The following ZNF33B variants were observed in gnomAD, a reference collection of about 807,000 sequenced individuals.
ZNF33B encodes zinc finger protein 11b (KOX 2).
ZNF33B carries 29 observed loss-of-function variants against 45.8 expected under a neutral mutation model. That is an observed-to-expected ratio of 0.63 (90% confidence interval 0.47 to 0.86). The LOEUF (loss-of-function observed/expected upper bound fraction) is 0.86, where lower values mean the gene tolerates loss of function less well. ZNF33B is among the 40% of genes least tolerant of loss of function. The pLI, the probability that ZNF33B is intolerant of heterozygous loss-of-function variation, is 0.00. For synonymous variants in ZNF33B, 305 were observed against 307.8 expected (o/e 0.99, Z 0.10); for missense variants, 831 against 909.9 (o/e 0.91, Z 1.12).
intron 1 of ZNF33B, among the ~76,000 whole-genome samples, chr10:42,576,612 C>T (rs758546374): frequency 1.8e-4 from 28 of 152,268 alleles, no homozygotes; most frequent in South Asian, 1.0e-3. Context: ...TGTTACTGTG[C>T]GCACCCATCA....
chr10:42,630,806 C>A (rs1352707343), intron 4 of ZNF33B, among the ~76,000 whole-genome samples: 1 of 152,130 alleles, frequency 6.6e-6, no homozygotes, highest in African/African-American at 2.4e-5. Flanking sequence ...GAAAATCTAC[C>A]ACTAAACAGA....
chr10:42,624,494 G>A (rs975554806), intron 4 of ZNF33B, among the ~76,000 whole-genome samples: 3 of 152,160 alleles, frequency 2.0e-5, no homozygotes, highest in African/African-American at 7.2e-5. Context: ...TGAAGCCTCA[G>A]ATAGTATTGA....
At chr10:42,610,948 A>C (rs2132093654) in intron 4 of ZNF33B, among the ~76,000 whole-genome samples, 1 of 152,368 alleles carries the variant, frequency 6.6e-6, no homozygotes, top group Admixed American at 6.5e-5. Context: ...AGTGGCATAG[A>C]GGTAAACATG....
chr10:42,576,209 G>A (rs1422209108), intron 1 of ZNF33B, among the ~76,000 whole-genome samples: 1 of 151,894 alleles, frequency 6.6e-6, no homozygotes, highest in African/African-American at 2.4e-5. Flanking sequence ...GGGTGGTCTC[G>A]AACTCCTGAG....
At chr10:42,577,453 T>A (rs565104714) in intron 1 of ZNF33B, among the ~76,000 whole-genome samples, 2 of 152,344 alleles carry the variant, frequency 1.3e-5, no homozygotes, top group African/African-American at 2.4e-5. Context: ...AAGTTCTCTA[T>A]GTCCAAACAG....
rs377698472 is a variant in ZNF33B, at chr10:42,601,408, TC to T, written c.251-6710del. Among the ~76,000 whole-genome samples, 443 of 151,946 alleles carry T rather than the reference TC, an allele frequency of 2.9e-3. 2 individuals carry two copies. Among genetic ancestry groups the T allele is most frequent in the African/African-American group, 0.01 (425 of 41,446 alleles). Reference sequence around the variant, plus strand: ...CCACTTTCCTTTTAGAGACTCCAATTCCATGTGTGTTAAGAGACTACCTGAA... The same window carrying T: ...CCACTTTCCTTTTAGAGACTCCAATTCATGTGTGTTAAGAGACTACCTGAA... On this transcript the variant is annotated intron_variant, in intron 4 of 4. Coordinates refer to ENST00000359467, the MANE Select transcript of ZNF33B (RefSeq NM_006955.3).
At chr10:42,586,342 G>A (rs1359240314), downstream of ZNF33B, among the ~76,000 whole-genome samples, 1 of 151,964 alleles carries the variant, frequency 6.6e-6, no homozygotes, top group African/African-American at 2.4e-5. Flanking sequence ...GTAGAGACGG[G>A]GTTTCACCGT....
Position 42,591,291 on chromosome 10 carries a change from G to A in ZNF33B, c.*1322C>T. ...AGAGCAGCTGCTTAAAGAAAATTTG[G>A]ACTATCACTTACGCTGAAGGCTGGA... On this transcript the variant is annotated 3_prime_UTR_variant, in exon 5 of 5. Transcript: ENST00000359467. 2 of 895,088 alleles carry A rather than the reference G, an allele frequency of 2.2e-6. No homozygotes were observed. Among genetic ancestry groups the A allele is most frequent in the Non-Finnish European group, 2.7e-6 (2 of 748,150 alleles). The allele number at this position is 895,088 out of a possible 1,614,324, so 55.4% of individuals were successfully genotyped here.
At chr10:42,616,984 G>A (rs904871763) in intron 4 of ZNF33B, among the ~76,000 whole-genome samples, 13 of 151,016 alleles carry the variant, frequency 8.6e-5, no homozygotes, top group African/African-American at 2.4e-4. Context: ...ATGAACCAAC[G>A]CACCCAGCCT....
chr10:42,613,060 A>AAGG (rs1838167339), intron 4 of ZNF33B, among the ~76,000 whole-genome samples: 1 of 152,216 alleles, frequency 6.6e-6, no homozygotes, highest in Non-Finnish European at 1.5e-5. Flanking sequence ...AGTATCAATG[A>AAGG]AGGACCCCCT....
At chr10:42,576,387 A>G (rs539163960) in intron 1 of ZNF33B, among the ~76,000 whole-genome samples, 1 of 152,308 alleles carries the variant, frequency 6.6e-6, no homozygotes, top group South Asian at 2.1e-4. Context: ...TTGTTATTGA[A>G]GCTCTATGGA....
At chr10:42,578,150 C>A (rs1373266209) in intron 1 of ZNF33B, among the ~76,000 whole-genome samples, 1 of 152,186 alleles carries the variant, frequency 6.6e-6, no homozygotes, top group African/African-American at 2.4e-5. Flanking sequence ...TCCCTGGGAC[C>A]CTGCAGAGCC....
intron 1 of ZNF33B, 67 bp from the exon 2 acceptor site, chr10:42,637,039 T>C: frequency 1.3e-6 from 2 of 1,539,958 alleles, no homozygotes; most frequent in Non-Finnish European, 1.8e-6. Context: ...CGGATTCTTC[T>C]GCCCTAAGAA....
At position 42,606,420 on chromosome 10, in the gene ZNF33B, G is replaced by A. The variant is rs528712839; in HGVS notation, c.251-11721C>T. On this transcript the variant is annotated intron_variant, in intron 4 of 4. Coordinates refer to ENST00000359467, the MANE Select transcript of ZNF33B (RefSeq NM_006955.3). ...ACAGGGGTTACAGTGAGCCCAGATCGTGCCACTGCACTCCAGCCTGGGCAA... is the reference window on the plus strand; with the variant it reads ...ACAGGGGTTACAGTGAGCCCAGATCATGCCACTGCACTCCAGCCTGGGCAA... 6.7e-4 allele frequency among the ~76,000 whole-genome samples: 102 copies of A among 151,870 alleles called. 1 individual carries two copies. The highest frequency in any genetic ancestry group is 6.9e-3 in the Middle Eastern group (2 of 290).
rs1837471785 is a variant in ZNF33B, at chr10:42,598,045, T to C, written c.251-3346A>G. 4.6e-5 allele frequency among the ~76,000 whole-genome samples: 7 copies of C among 152,320 alleles called. No homozygotes were observed. The South Asian group carries it at 1.5e-3, about 32-fold the overall frequency. On this transcript the variant is annotated intron_variant, in intron 4 of 4. Coordinates refer to ENST00000359467, the MANE Select transcript of ZNF33B (RefSeq NM_006955.3). Reference sequence around the variant, plus strand: ...TACTTGATTCATCCAAAATTTTAAATGAAAATAATGTTCTCTCCCATCAAA... The same window carrying C: ...TACTTGATTCATCCAAAATTTTAAACGAAAATAATGTTCTCTCCCATCAAA...
chr10:42,623,861 G>A (rs1448854851), intron 4 of ZNF33B, among the ~76,000 whole-genome samples: 1 of 152,178 alleles, frequency 6.6e-6, no homozygotes, highest in Admixed American at 6.5e-5. Context: ...ACAATATATT[G>A]TCAAAATGCT....
At chr10:42,597,558 A>G (rs1564502515) in intron 4 of ZNF33B, among the ~76,000 whole-genome samples, 1 of 152,132 alleles carries the variant, frequency 6.6e-6, no homozygotes, top group Non-Finnish European at 1.5e-5. Flanking sequence ...TTTTCAATAT[A>G]TAATTGAAAG....
intron 1 of ZNF33B, 129 bp downstream of exon 1, chr10:42,638,345 C>T (rs1266088225): frequency 6.4e-6 from 2 of 314,800 alleles, no homozygotes; most frequent in Non-Finnish European, 1.2e-5. Flanking sequence ...TGCTGCAGCC[C>T]CGCCGTCCCC....
chr10:42,593,856 G>C lies in ZNF33B; in HGVS notation c.1094C>G (p.Thr365Ser). Reference sequence around the variant, plus strand: ...AGTGAGGTTTGACTTCTCCCAGAAAGTTTTTCCACATTGATTACATTGAAA... The same window carrying C: ...AGTGAGGTTTGACTTCTCCCAGAAACTTTTTCCACATTGATTACATTGAAA... Reference protein sequence around the residue: ...KHFQCNQCGKTFWEKSNLTKH... With the variant: ...KHFQCNQCGKSFWEKSNLTKH... Residue 365 changes from threonine (T) to serine (S), a missense_variant, in exon 5 of 5, where the codon ACT becomes AGT. Thr to Ser is a moderately conservative substitution (Grantham distance 58). Coordinates refer to ENST00000359467, the MANE Select transcript of ZNF33B (RefSeq NM_006955.3). The C allele has an allele frequency of 6.2e-7, 1 of 1,614,046 alleles. No homozygotes were observed.
Sources: allele counts gnomAD v4.1 joint callset (sites outside exome capture counted in the v4.1 genomes callset), GRCh38; gene constraint gnomAD v4.1.1; transcripts MANE v1.5; gene names NCBI Gene and HGNC (gene_info 2026-07-23, HGNC 2026-07-21).